Variants in RAI14 observed in about 807,000 individuals in gnomAD.
RAI14 encodes the protein ankycorbin.
In RAI14, 45 loss-of-function variants were observed where a neutral mutation model predicts 115.4. That is an observed-to-expected ratio of 0.39 (90% CI 0.31 to 0.50). RAI14 has a LOEUF of 0.50. Among genes scored for constraint, RAI14 ranks in the 20% least tolerant of loss-of-function variants. The pLI is 0.85. For synonymous variants in RAI14, 371 were observed against 415.4 expected, an observed-to-expected ratio of 0.89 and a Z score of 1.30; for missense variants, 939 against 1,131.2, an observed-to-expected ratio of 0.83 and a Z score of 2.44.
chr5:34,797,196 A>T (rs1753642021), intron 4 of RAI14, among the ~76,000 whole-genome samples: 1 of 152,198 alleles, frequency 6.6e-6, no homozygotes, highest in African/African-American at 2.4e-5. Context: ...ACTGGGATAC[A>T]AAATTAGCCT....
At chr5:34,662,210 A>G (rs1300697366) in intron 1 of RAI14, among the ~76,000 whole-genome samples, 2 of 152,108 alleles carry the variant, frequency 1.3e-5, no homozygotes, top group African/African-American at 2.4e-5. Context: ...GGAGGGATGT[A>G]TTTTTCATGA....
intron 2 of RAI14, among the ~76,000 whole-genome samples, chr5:34,734,175 G>GC (rs1423225112): frequency 1.3e-5 from 2 of 152,136 alleles, no homozygotes; most frequent in African/African-American, 2.4e-5. Context: ...CTTTAGGCCC[G>GC]CCCCCCTGGT....
chr5:34,708,950 C>T (rs1741063150), intron 2 of RAI14, among the ~76,000 whole-genome samples: 1 of 151,902 alleles, frequency 6.6e-6, no homozygotes, highest in African/African-American at 2.4e-5. Context: ...TGAAACCAGT[C>T]TGGGCAACAT....
At position 34,715,212 on chromosome 5, in the gene RAI14, G is replaced by A. The variant is rs979901146; in HGVS notation, c.36+28257G>A. Among the ~76,000 whole-genome samples, 5 of 152,176 alleles carry A rather than the reference G, an allele frequency of 3.3e-5. No homozygotes were observed. The South Asian group carries it at 8.3e-4, about 25-fold the overall frequency. On this transcript the variant is annotated intron_variant, in intron 2 of 17. Coordinates refer to ENST00000265109, the MANE Select transcript of RAI14 (RefSeq NM_015577.3). ...GAATATTCATGAAAATTCCTGGAAG[G>A]TGGTGGAGATTTCTTGGAACTGTGG...
At chr5:34,705,561 C>G (rs1740609976) in intron 2 of RAI14, among the ~76,000 whole-genome samples, 1 of 152,174 alleles carries the variant, frequency 6.6e-6, no homozygotes, top group South Asian at 2.1e-4. Flanking sequence ...TCTTAATTAA[C>G]ATAAACAGAT....
At chr5:34,822,150 A>G (rs1324465705) in intron 14 of RAI14, among the ~76,000 whole-genome samples, 1 of 147,872 alleles carries the variant, frequency 6.8e-6, no homozygotes, top group Non-Finnish European at 1.5e-5. Context: ...TCTATATAAA[A>G]TATACTATAT....
At chr5:34,669,511 G>C (rs1743471738) in intron 1 of RAI14, among the ~76,000 whole-genome samples, 1 of 152,190 alleles carries the variant, frequency 6.6e-6, no homozygotes, top group Admixed American at 6.5e-5. Context: ...AAAGAAACAA[G>C]GAGCAGCTCA....
chr5:34,814,684 T>C lies in RAI14; in HGVS notation c.939+15T>C. The C allele has an allele frequency of 1.3e-6, 2 of 1,574,480 alleles. No individual in the cohort carries two copies. Among genetic ancestry groups the C allele is most frequent in the Non-Finnish European group, 1.7e-6 (2 of 1,144,114 alleles). Reference sequence around the variant, plus strand: ...CACCCTTCAAGGTATTTCCTTTCTGTATTCAGTTTTGTTACTGTATTTTAA... The same window carrying C: ...CACCCTTCAAGGTATTTCCTTTCTGCATTCAGTTTTGTTACTGTATTTTAA... On this transcript the variant is annotated intron_variant, in intron 12 of 17. Coordinates refer to ENST00000265109, the MANE Select transcript of RAI14 (RefSeq NM_015577.3).
chr5:34,684,145 G>A (rs116361197), intron 1 of RAI14, among the ~76,000 whole-genome samples: 2,467 of 152,278 alleles, frequency 0.016, 27 homozygotes, highest in Non-Finnish European at 0.026. Context: ...TTCCTCAAAA[G>A]GTGATTCTGT....
At chr5:34,825,908 T>TA (rs1343736268) in intron 15 of RAI14, 1 of 152,598 alleles carries the variant, frequency 6.6e-6, no homozygotes, top group East Asian at 1.9e-4. Context: ...CGTCCAGAGA[T>TA]ATCAGGCTTC....
intron 3 of RAI14, among the ~76,000 whole-genome samples, chr5:34,763,723 A>C (rs1340141714): frequency 2.0e-5 from 3 of 152,210 alleles, no homozygotes; most frequent in Non-Finnish European, 4.4e-5. Flanking sequence ...GATGCTAAGA[A>C]ATGCTTCCTG....
chr5:34,766,343 C>A (rs900641129), intron 3 of RAI14, among the ~76,000 whole-genome samples: 1 of 152,142 alleles, frequency 6.6e-6, no homozygotes, highest in African/African-American at 2.4e-5. Flanking sequence ...TGGGAGGGAG[C>A]CTGTACACTG....
In RAI14 at chr5:34,824,316, G is replaced by A. The variant is rs749355308; in HGVS notation, c.2474G>A (p.Arg825Lys). 2 of 1,614,188 alleles carry A rather than the reference G, an allele frequency of 1.2e-6. No homozygotes were observed. The highest frequency in any genetic ancestry group is 4.5e-5 in the East Asian group (2 of 44,876). Residue 825 changes from arginine to lysine, a missense_variant, in exon 15 of 18, where the codon AGA becomes AAA. Arg to Lys is a conservative substitution (Grantham distance 26, BLOSUM62 2). Transcript: ENST00000265109. ...EKVHSEVVQI[R>K]SEVSQVKREK... is the part of the protein sequence containing the mutation. ...GTCCATTCAGAGGTTGTCCAGATTAGAAGTGAGGTCTCACAGGTGAAAAGA... is the reference window on the plus strand; with the variant it reads ...GTCCATTCAGAGGTTGTCCAGATTAAAAGTGAGGTCTCACAGGTGAAAAGA...
At chr5:34,743,841 C>T (rs1382910758) in intron 2 of RAI14, among the ~76,000 whole-genome samples, 3 of 152,094 alleles carry the variant, frequency 2.0e-5, no homozygotes, top group Non-Finnish European at 2.9e-5. Flanking sequence ...TTAGCACTCA[C>T]GTAGAATTTA....
rs147273314 is a variant in RAI14, at chr5:34,741,918, A to T, written c.37-15550A>T. On this transcript the variant is annotated intron_variant, in intron 2 of 17. Transcript: ENST00000265109. ...GAACCTCTTCCATGGTTTTATGAAGAATCCACACGTGTCATTGTGCCCCAG... is the reference window on the plus strand; with the variant it reads ...GAACCTCTTCCATGGTTTTATGAAGTATCCACACGTGTCATTGTGCCCCAG... Among the ~76,000 whole-genome samples the T allele has an allele frequency of 1.5e-3, 227 of 152,288 alleles. 1 individual carries two copies. Among genetic ancestry groups the T allele is most frequent in the African/African-American group, 5.2e-3 (217 of 41,554 alleles).
chr5:34,770,096 G>A (rs1360326999), intron 3 of RAI14, among the ~76,000 whole-genome samples: 1 of 152,124 alleles, frequency 6.6e-6, no homozygotes. Flanking sequence ...GTCATCTCCC[G>A]GGTAGGGGAG....
intron 3 of RAI14, among the ~76,000 whole-genome samples, chr5:34,759,336 C>G (rs1255443508): frequency 1.3e-5 from 2 of 152,096 alleles, no homozygotes; most frequent in Non-Finnish European, 2.9e-5. Context: ...CTAAGGGGTC[C>G]CCAACTCCCA....
At chr5:34,674,582 T>TTATG (rs1743841030) in intron 1 of RAI14, among the ~76,000 whole-genome samples, 1 of 144,850 alleles carries the variant, frequency 6.9e-6, no homozygotes, top group African/African-American at 2.9e-5. Flanking sequence ...GAATCGGATC[T>TTATG]TTTGTTTTTT....
intron 1 of RAI14, among the ~76,000 whole-genome samples, chr5:34,657,773 C>G (rs1379401470): frequency 6.6e-6 from 1 of 152,196 alleles, no homozygotes; most frequent in Non-Finnish European, 1.5e-5. Flanking sequence ...CTCGCCTTAG[C>G]GAAGAGAGTC....
Sources: allele counts gnomAD v4.1 joint callset (sites outside exome capture counted in the v4.1 genomes callset), GRCh38; gene constraint gnomAD v4.1.1; transcripts MANE v1.5; gene names NCBI Gene and HGNC (gene_info 2026-07-23, HGNC 2026-07-21).